The following FHIT variants were observed in gnomAD, a reference collection of about 807,000 sequenced individuals.
The protein encoded by FHIT is bis(5'-adenosyl)-triphosphatase.
FHIT carries 19 observed loss-of-function variants against 17.9 expected under a neutral mutation model. That is an observed-to-expected ratio of 1.06 (90% CI 0.74 to 1.56). The LOEUF (loss-of-function observed/expected upper bound fraction) is 1.56. Among genes scored for constraint, FHIT ranks in the 40% most tolerant of loss-of-function variants. The probability of loss-of-function intolerance (pLI) is 0.00; values close to 1 mark genes in which losing one functional copy is unlikely to be tolerated. For synonymous variants in FHIT, 81 were observed against 69.7 expected, an observed-to-expected ratio of 1.16 and a Z score of -0.81; for missense variants, 248 against 189.2, an observed-to-expected ratio of 1.31 and a Z score of -1.82.
chr3:59,959,893 G>A (rs1237708624), intron 7 of FHIT, among the ~76,000 whole-genome samples: 1 of 152,160 alleles, frequency 6.6e-6, no homozygotes, highest in Non-Finnish European at 1.5e-5. Flanking sequence ...TTAGGTGGAA[G>A]GCAGGTGAAA....
chr3:59,816,058 A>T (rs1280829077), intron 8 of FHIT, among the ~76,000 whole-genome samples: 1 of 152,236 alleles, frequency 6.6e-6, no homozygotes, highest in Non-Finnish European at 1.5e-5. Context: ...CTTACCTGAC[A>T]AAAACTACAA....
chr3:60,009,163 T>TTA (rs1377481333), intron 7 of FHIT, among the ~76,000 whole-genome samples: 3 of 128,784 alleles, frequency 2.3e-5, no homozygotes, highest in South Asian at 5.3e-4. Context: ...CTCTGGGATT[T>TTA]TATGTGTGTG....
chr3:61,161,495 C>A (rs1302609106), intron 2 of FHIT, among the ~76,000 whole-genome samples: 2 of 152,194 alleles, frequency 1.3e-5, no homozygotes, highest in Non-Finnish European at 2.9e-5. Context: ...AGCCACTGCA[C>A]CCAGCCACAA....
At chr3:59,866,787 A>G (rs906801539) in intron 8 of FHIT, among the ~76,000 whole-genome samples, 4 of 152,130 alleles carry the variant, frequency 2.6e-5, no homozygotes, top group African/African-American at 9.7e-5. Flanking sequence ...CTTCTGGCCA[A>G]CTGACTTAGC....
At chr3:60,428,677 T>C (rs1412027789) in intron 5 of FHIT, among the ~76,000 whole-genome samples, 3 of 152,084 alleles carry the variant, frequency 2.0e-5, no homozygotes, top group Non-Finnish European at 4.4e-5. Context: ...GTAAATGCAA[T>C]TGGTAGGCTG....
At chr3:60,130,815 A>ATATACACACATATATGTGTGTG (rs1699528042) in intron 5 of FHIT, among the ~76,000 whole-genome samples, 1 of 66,054 alleles carries the variant, frequency 1.5e-5, no homozygotes, top group African/African-American at 4.4e-5. Context: ...ATATGTGTGT[A>ATATACACACATATATGTGTGTG]TGTGTGTATA....
At chr3:60,999,474 T>G (rs529306093) in intron 3 of FHIT, among the ~76,000 whole-genome samples, 1 of 150,694 alleles carries the variant, frequency 6.6e-6, no homozygotes, top group East Asian at 1.9e-4. Context: ...CAAATAGGAT[T>G]ACTATCTAGT....
chr3:60,253,783 A>G (rs1238970374), intron 5 of FHIT, among the ~76,000 whole-genome samples: 1 of 152,214 alleles, frequency 6.6e-6, no homozygotes, highest in Non-Finnish European at 1.5e-5. Flanking sequence ...CAGCACTGGA[A>G]AAACTAATGA....
In FHIT at chr3:60,153,056, C is replaced by G. The variant is rs1469932198; in HGVS notation, c.104-138904G>C. Among the ~76,000 whole-genome samples the G allele has an allele frequency of 2.0e-5, 3 of 152,162 alleles. No homozygotes were observed. In the East Asian group the frequency reaches 5.8e-4, roughly 29 times the overall value. On this transcript the variant is annotated intron_variant, in intron 5 of 9. Coordinates refer to ENST00000492590, the MANE Select transcript of FHIT (RefSeq NM_002012.4). ...TCTGTGAAGTTCTTTCTCACTGCCT[C>G]TGTTTATTTTCCTCCTCAGCCAACA...
intron 4 of FHIT, among the ~76,000 whole-genome samples, chr3:60,585,111 G>C (rs116817927): frequency 0.011 from 1,686 of 152,024 alleles, 41 homozygotes; most frequent in African/African-American, 0.038. Context: ...AGGTGAGCTG[G>C]AATATCTAAA....
At chr3:60,129,587 G>A (rs72882789) in intron 5 of FHIT, among the ~76,000 whole-genome samples, 8,758 of 152,126 alleles carry the variant, frequency 0.058, 820 homozygotes, top group African/African-American at 0.2. Context: ...TTTCTTCTGA[G>A]TAATATATTA....
At chr3:60,944,886 A>G (rs1301200967) in intron 3 of FHIT, among the ~76,000 whole-genome samples, 1 of 152,214 alleles carries the variant, frequency 6.6e-6, no homozygotes, top group Non-Finnish European at 1.5e-5. Context: ...TATGTTAAAT[A>G]CTTCATCAAT....
intron 4 of FHIT, among the ~76,000 whole-genome samples, chr3:60,737,262 C>A (rs1307748891): frequency 2.0e-5 from 3 of 152,154 alleles, no homozygotes; most frequent in Non-Finnish European, 4.4e-5. Context: ...ACTGCATTGT[C>A]CAAAACACTG....
intron 5 of FHIT, among the ~76,000 whole-genome samples, chr3:60,507,490 TG>T (rs2034781589): frequency 6.6e-6 from 1 of 152,218 alleles, no homozygotes; most frequent in Non-Finnish European, 1.5e-5. Context: ...TGTTTCATTT[TG>T]TTTTTTTACA....
At chr3:59,774,921 A>G (rs1460917228) in intron 8 of FHIT, among the ~76,000 whole-genome samples, 1 of 152,188 alleles carries the variant, frequency 6.6e-6, no homozygotes, top group African/African-American at 2.4e-5. Context: ...TCTATAGACC[A>G]GCGACATCAG....
At chr3:59,905,198 A>G (rs7653300) in intron 8 of FHIT, among the ~76,000 whole-genome samples, 2,092 of 152,324 alleles carry the variant, frequency 0.014, 49 homozygotes, top group African/African-American at 0.047. Flanking sequence ...GGGGAGTACA[A>G]TCCCAGAACT....
At chr3:61,008,654 G>A (rs184543340) in intron 3 of FHIT, among the ~76,000 whole-genome samples, 2 of 152,000 alleles carry the variant, frequency 1.3e-5, no homozygotes, top group Admixed American at 6.5e-5. Context: ...AGCCTGAGTG[G>A]GCCTGACTGT....
intron 4 of FHIT, among the ~76,000 whole-genome samples, chr3:60,717,960 T>C (rs2041724853): frequency 6.6e-6 from 1 of 152,202 alleles, no homozygotes; most frequent in African/African-American, 2.4e-5. Context: ...ATTCAACAGC[T>C]ATAAATTTGT....
intron 8 of FHIT, among the ~76,000 whole-genome samples, chr3:59,755,813 C>CTTGGT (rs1205025218): frequency 6.6e-6 from 1 of 151,712 alleles, no homozygotes; most frequent in African/African-American, 2.4e-5. Flanking sequence ...TGAGTATCAC[C>CTTGGT]TTGGTTTCAC....
Sources: allele counts gnomAD v4.1 joint callset (sites outside exome capture counted in the v4.1 genomes callset), GRCh38; gene constraint gnomAD v4.1.1; transcripts MANE v1.5; gene names NCBI Gene and HGNC (gene_info 2026-07-23, HGNC 2026-07-21).